C17orf114: variants seen among roughly 807,000 people sequenced by gnomAD.
C17orf114 encodes uncharacterized protein C17orf114.
At chr17:4,806,481 G>GA (rs1297942193), upstream of C17orf114, among the ~76,000 whole-genome samples, 4 of 152,106 alleles carry the variant, frequency 2.6e-5, no homozygotes, top group East Asian at 1.9e-4. Flanking sequence ...TTTAATACCC[G>GA]AAAAAATTTT....
upstream of C17orf114, among the ~76,000 whole-genome samples, chr17:4,803,647 C>T (rs904842447): frequency 2.0e-5 from 3 of 151,254 alleles, no homozygotes; most frequent in African/African-American, 4.9e-5. Flanking sequence ...AGGATGGTCT[C>T]GATCTCCTGA....
At chr17:4,805,047 C>T (rs966772297), upstream of C17orf114, among the ~76,000 whole-genome samples, 5 of 152,092 alleles carry the variant, frequency 3.3e-5, no homozygotes, top group African/African-American at 1.2e-4. Flanking sequence ...TGTTCCCTCA[C>T]GTGTCCCTTT....
chr17:4,802,909 T>G (rs1198469388), upstream of C17orf114, among the ~76,000 whole-genome samples: 1 of 152,154 alleles, frequency 6.6e-6, no homozygotes, highest in Non-Finnish European at 1.5e-5. Flanking sequence ...TCATTTCACT[T>G]AATCACGTCA....
chr17:4,805,960 G>GA (rs987265227), upstream of C17orf114, among the ~76,000 whole-genome samples: 10 of 146,370 alleles, frequency 6.8e-5, no homozygotes, highest in South Asian at 2.1e-4. Context: ...CTCAAAAAAA[G>GA]AAAAAAAAAG....
At chr17:4,804,914 C>G (rs1905607550), upstream of C17orf114, among the ~76,000 whole-genome samples, 1 of 151,948 alleles carries the variant, frequency 6.6e-6, no homozygotes, top group Admixed American at 6.6e-5. Context: ...TTTATTGAAG[C>G]AAAAATGCAC....
upstream of C17orf114, among the ~76,000 whole-genome samples, chr17:4,803,192 T>C (rs867168524): frequency 1.2e-4 from 19 of 152,152 alleles, no homozygotes; most frequent in Middle Eastern, 3.4e-3. Context: ...GTGCTGGGAT[T>C]ACAGGTGTGA....
At chr17:4,804,655 G>A (rs1305670027), upstream of C17orf114, among the ~76,000 whole-genome samples, 6 of 149,186 alleles carry the variant, frequency 4.0e-5, no homozygotes, top group African/African-American at 1.5e-4. Flanking sequence ...CCGGAGTGTA[G>A]TGGCACTGTC....
chr17:4,804,404 CTG>C (rs1340075185), upstream of C17orf114, among the ~76,000 whole-genome samples: 4 of 151,712 alleles, frequency 2.6e-5, no homozygotes, highest in Non-Finnish European at 4.4e-5. Flanking sequence ...CAGGGTTTCC[CTG>C]TGTTAGCCAG....
chr17:4,801,571 T>G (rs903064389), intron 1 of C17orf114, 116 bp from the exon 2 acceptor site: 4 of 397,106 alleles, frequency 1.0e-5, no homozygotes, highest in Admixed American at 4.4e-5. Context: ...TGGGGGCTGG[T>G]GAGGAGTGTT....
At chr17:4,802,094 T>C (rs1905527353) in intron 1 of C17orf114, among the ~76,000 whole-genome samples, 153 bp downstream of exon 1, 1 of 152,140 alleles carries the variant, frequency 6.6e-6, no homozygotes, top group Non-Finnish European at 1.5e-5. Flanking sequence ...ACAAAGTATT[T>C]AGCCTGTCCT....
chr17:4,806,056 A>G (rs1370653777), upstream of C17orf114, among the ~76,000 whole-genome samples: 1 of 152,258 alleles, frequency 6.6e-6, no homozygotes, highest in Non-Finnish European at 1.5e-5. Flanking sequence ...AAGAAGACAT[A>G]CAAATGGCCA....
At chr17:4,805,033 G>A (rs1251571784), upstream of C17orf114, among the ~76,000 whole-genome samples, 1 of 151,994 alleles carries the variant, frequency 6.6e-6, no homozygotes, top group African/African-American at 2.4e-5. Context: ...TTATCATCCT[G>A]GAATGTTCCC....
At chr17:4,804,646 C>G (rs1455491151), upstream of C17orf114, among the ~76,000 whole-genome samples, 5 of 149,460 alleles carry the variant, frequency 3.3e-5, no homozygotes, top group Admixed American at 1.3e-4. Flanking sequence ...GTCACCAGGC[C>G]GGAGTGTAGT....
chr17:4,802,697 T>C (rs1905543231), upstream of C17orf114, among the ~76,000 whole-genome samples: 1 of 152,186 alleles, frequency 6.6e-6, no homozygotes, highest in Non-Finnish European at 1.5e-5. Flanking sequence ...GATTCCTTTG[T>C]ATTTTAGAAT....
At chr17:4,805,539 A>T (rs753507875), upstream of C17orf114, among the ~76,000 whole-genome samples, 80 of 151,962 alleles carry the variant, frequency 5.3e-4, no homozygotes, top group Middle Eastern at 3.4e-3. Context: ...AGCCCGGCCA[A>T]CATGGTGAAA....
upstream of C17orf114, among the ~76,000 whole-genome samples, chr17:4,805,636 T>C (rs889508564): frequency 1.6e-4 from 24 of 150,656 alleles, no homozygotes; most frequent in East Asian, 2.4e-3. Flanking sequence ...ATCACGCCAC[T>C]GCAGTCCAGC....
upstream of C17orf114, among the ~76,000 whole-genome samples, chr17:4,805,986 C>CATAAAA (rs756337369): frequency 8.6e-5 from 13 of 151,998 alleles, no homozygotes; most frequent in Admixed American, 5.2e-4. Context: ...GACTCCGTCT[C>CATAAAA]ATAAAAATAA....
upstream of C17orf114, among the ~76,000 whole-genome samples, chr17:4,804,513 G>C (rs1905594670): frequency 6.7e-6 from 1 of 148,580 alleles, no homozygotes; most frequent in African/African-American, 2.5e-5. Context: ...CACAAGTGCT[G>C]TTTCATCATT....
rs556633799 is a variant in C17orf114, at chr17:4,801,257, C to T, written c.*32G>A. On this transcript the variant is annotated 3_prime_UTR_variant, in exon 2 of 2. Coordinates refer to ENST00000635921, the Ensembl canonical transcript of C17orf114. The stretch of plus-strand genomic sequence containing the variant: ...ATCTGGGGAAGGAAGCTTGCTAAGC[C>T]TTCCTGGAGGTTCACCTCCTCGTCG... 10 of 398,728 alleles carry T rather than the reference C, an allele frequency of 2.5e-5. No homozygotes were observed. The Admixed American group carries it at 3.1e-4, about 12-fold the overall frequency. 24.7% of individuals were successfully genotyped at this position (398,728 alleles called of 1,614,324 possible). A position where few individuals can be genotyped will look rare whatever the true frequency, so the allele number is the denominator to read the frequency against.
Sources: allele counts gnomAD v4.1 joint callset (sites outside exome capture counted in the v4.1 genomes callset), GRCh38; gene constraint gnomAD v4.1.1; transcripts MANE v1.5; gene names NCBI Gene and HGNC (gene_info 2026-07-23, HGNC 2026-07-21).